Variants in CCDC102B observed in about 807,000 individuals in gnomAD.
CCDC102B encodes the protein coiled-coil domain-containing protein 102B.
A neutral mutation model predicts 57.4 loss-of-function variants in CCDC102B; 75 were observed. That is an observed-to-expected ratio of 1.31 (90% CI 1.08 to 1.58). The LOEUF (loss-of-function observed/expected upper bound fraction) is 1.58, where lower values mean the gene tolerates loss of function less well. Ranked by LOEUF, CCDC102B falls within the 40% of genes most tolerant of loss-of-function variation. CCDC102B has a pLI of 0.00. For synonymous variants in CCDC102B, 206 were observed against 201.9 expected (o/e 1.02, Z -0.17); for missense variants, 636 against 582.6 (o/e 1.09, Z -0.94).
At chr18:69,018,281 A>G (rs1269106921) in intron 7 of CCDC102B, among the ~76,000 whole-genome samples, 1 of 152,244 alleles carries the variant, frequency 6.6e-6, no homozygotes. Context: ...ACCTATATGT[A>G]TAGTTTGTAT....
intron 2 of CCDC102B, chr18:68,754,427 C>A (rs533127966): frequency 6.6e-6 from 1 of 152,200 alleles, no homozygotes; most frequent in East Asian, 1.9e-4. Context: ...AACAAGGATA[C>A]GCAGACAGTA....
chr18:68,985,638 A>G (rs958481801), intron 6 of CCDC102B, among the ~76,000 whole-genome samples: 1 of 152,124 alleles, frequency 6.6e-6, no homozygotes, highest in African/African-American at 2.4e-5. Context: ...GTGCTTCTCT[A>G]CTCAGATGAG....
intron 2 of CCDC102B, among the ~76,000 whole-genome samples, chr18:68,747,439 A>C (rs1342209561): frequency 6.6e-6 from 1 of 152,112 alleles, no homozygotes; most frequent in Non-Finnish European, 1.5e-5. Flanking sequence ...TGTTAGCTGC[A>C]GGCATGGTGT....
intron 2 of CCDC102B, among the ~76,000 whole-genome samples, chr18:68,719,069 T>TA (rs1420904004): frequency 6.6e-6 from 1 of 152,110 alleles, no homozygotes; most frequent in South Asian, 2.1e-4. Flanking sequence ...TAAGAAAACT[T>TA]AAAGTCATTG....
intron 2 of CCDC102B, among the ~76,000 whole-genome samples, chr18:68,788,488 A>T (rs992588224): frequency 6.6e-6 from 1 of 151,380 alleles, no homozygotes; most frequent in Non-Finnish European, 1.5e-5. Flanking sequence ...GTCGCTCAGG[A>T]CTTGCTTTAT....
intron 2 of CCDC102B, among the ~76,000 whole-genome samples, chr18:68,789,991 T>A (rs1437524384): frequency 1.3e-5 from 2 of 150,390 alleles, no homozygotes; most frequent in African/African-American, 5.0e-5. Context: ...ATGATGGTGA[T>A]GTACAGATGG....
intron 6 of CCDC102B, among the ~76,000 whole-genome samples, chr18:68,906,419 G>A (rs548184299): frequency 5.3e-5 from 8 of 152,202 alleles, no homozygotes; most frequent in South Asian, 4.1e-4. Flanking sequence ...CCATAATGGC[G>A]GAACCCATTA....
chr18:69,002,580 C>T (rs545397871), intron 6 of CCDC102B, among the ~76,000 whole-genome samples: 3 of 152,154 alleles, frequency 2.0e-5, no homozygotes, highest in Admixed American at 6.5e-5. Context: ...GGATTTATCA[C>T]GTAACAGAAA....
At chr18:69,009,189 C>CTAT (rs1460974188) in intron 6 of CCDC102B, among the ~76,000 whole-genome samples, 1 of 152,184 alleles carries the variant, frequency 6.6e-6, no homozygotes, top group Non-Finnish European at 1.5e-5. Context: ...ATTACCTTAC[C>CTAT]ATACTTAGCC....
chr18:68,845,772 T>C (rs1028441993), intron 3 of CCDC102B, among the ~76,000 whole-genome samples: 18 of 151,972 alleles, frequency 1.2e-4, no homozygotes, highest in South Asian at 2.1e-4. Context: ...TTCAGTCCTT[T>C]AGAATAATTT....
rs78525923 is a variant in CCDC102B, at chr18:68,755,572, C to G, written c.-67+38978C>G. On this transcript the variant is annotated intron_variant, in intron 2 of 3. Coordinates refer to the CCDC102B transcript ENST00000578970. ...AATGTAAAGTAGAAATATAAAATCA[C>G]AAATATTTCTATTTTGCTTAACTTG... Among the ~76,000 whole-genome samples, 868 of 152,010 alleles carry G rather than the reference C, an allele frequency of 5.7e-3. 4 individuals are homozygous for G. The highest frequency in any genetic ancestry group is 0.014 in the Admixed American group (212 of 15,250).
chr18:68,964,314 C>A lies in CCDC102B; in HGVS notation c.1264-46620C>A, dbSNP rs2055386206. 4.0e-5 allele frequency among the ~76,000 whole-genome samples: 6 copies of A among 151,512 alleles called. No individual in the cohort carries two copies. The South Asian group carries it at 1.2e-3, about 31-fold the overall frequency. The stretch of plus-strand genomic sequence containing the variant: ...TCATTTTAATCTCAATAACCAAATT[C>A]TAATTTCCAAAATCTCAGTTTAATA... On this transcript the variant is annotated intron_variant, in intron 6 of 7. Transcript: ENST00000360242.
intron 6 of CCDC102B, among the ~76,000 whole-genome samples, chr18:68,915,881 T>C (rs1372631842): frequency 6.6e-6 from 1 of 152,236 alleles, no homozygotes; most frequent in Admixed American, 6.5e-5. Context: ...AGTGTTTTTT[T>C]CTATGACATA....
At chr18:68,746,527 C>T (rs1162037419) in intron 2 of CCDC102B, among the ~76,000 whole-genome samples, 3 of 152,020 alleles carry the variant, frequency 2.0e-5, no homozygotes, top group South Asian at 2.1e-4. Context: ...TCCTGAACAG[C>T]GAAATGATGG....
chr18:68,897,817 C>G, intron 6 of CCDC102B: 2 of 349,026 alleles, frequency 5.7e-6, no homozygotes, highest in Non-Finnish European at 1.1e-5. Context: ...TTGCTGGTAG[C>G]TATGGTAAGT....
At chr18:68,844,875 G>A (rs113982019) in intron 3 of CCDC102B, among the ~76,000 whole-genome samples, 2,073 of 151,870 alleles carry the variant, frequency 0.014, 65 homozygotes, top group African/African-American at 0.047. Context: ...TGGTTAATCT[G>A]GATTATAAAC....
chr18:68,831,044 T>C (rs2037122670), intron 1 of CCDC102B, among the ~76,000 whole-genome samples: 2 of 152,072 alleles, frequency 1.3e-5, no homozygotes, highest in South Asian at 2.1e-4. Context: ...TTTTTTTCTC[T>C]GATCTATGAG....
chr18:68,886,166 T>G (rs531304166), intron 5 of CCDC102B, among the ~76,000 whole-genome samples: 9 of 151,960 alleles, frequency 5.9e-5, no homozygotes, highest in Admixed American at 5.9e-4. Context: ...GAGGAGTAAG[T>G]GAATTAACAA....
chr18:68,733,448 G>A (rs1318081421), intron 2 of CCDC102B, among the ~76,000 whole-genome samples: 2 of 138,164 alleles, frequency 1.4e-5, no homozygotes, highest in Non-Finnish European at 3.1e-5. Context: ...GGAGAGGAAA[G>A]GTAACCTTAG....
Sources: gnomAD v4.1 joint callset for allele counts (sites outside exome capture counted in the v4.1 genomes callset) on GRCh38, gnomAD v4.1.1 for gene constraint, MANE v1.5 for transcripts, NCBI Gene and HGNC (gene_info 2026-07-23, HGNC 2026-07-21) for gene names.